TALDO1: variants seen among roughly 807,000 people sequenced by gnomAD.
TALDO1 encodes the protein transaldolase.
A neutral mutation model predicts 38.1 loss-of-function variants in TALDO1; 29 were observed. That is an observed-to-expected ratio of 0.76 (90% confidence interval 0.57 to 1.04). TALDO1 has a LOEUF of 1.04. Ranked by LOEUF, TALDO1 falls within the 50% of genes least tolerant of loss-of-function variation. The pLI is 0.00. For synonymous variants in TALDO1, 207 were observed against 176.8 expected (o/e 1.17, Z -1.36); for missense variants, 499 against 438.1 (o/e 1.14, Z -1.24).
At chr11:762,950 G>A (rs914929184) in intron 4 of TALDO1, among the ~76,000 whole-genome samples, 13 of 152,180 alleles carry the variant, frequency 8.5e-5, no homozygotes, top group Admixed American at 3.9e-4. Flanking sequence ...TCTGGGATGA[G>A]GTGACGGCCT....
At chr11:750,487 CAA>C (rs758019370) in intron 1 of TALDO1, among the ~76,000 whole-genome samples, 8 of 133,060 alleles carry the variant, frequency 6.0e-5, no homozygotes, top group East Asian at 2.1e-4. Flanking sequence ...GACCCTGTCT[CAA>C]AAAAAAAAAA....
At chr11:750,600 C>T (rs559265131) in intron 1 of TALDO1, among the ~76,000 whole-genome samples, 5 of 151,880 alleles carry the variant, frequency 3.3e-5, no homozygotes, top group African/African-American at 9.7e-5. Context: ...CGAGGCAGGC[C>T]GATCATGAGG....
intron 2 of TALDO1, among the ~76,000 whole-genome samples, chr11:758,314 G>A (rs1401794477): frequency 6.6e-6 from 1 of 151,932 alleles, no homozygotes; most frequent in Non-Finnish European, 1.5e-5. Flanking sequence ...AGGTATAGAG[G>A]TGTGCAGCTG....
intron 2 of TALDO1, 96 bp from the exon 3 acceptor site, chr11:758,854 C>T (rs1862885883): frequency 1.4e-5 from 12 of 881,232 alleles, no homozygotes; most frequent in Non-Finnish European, 2.0e-5. Flanking sequence ...ATCCGCCCAC[C>T]TCGGCCTCCC....
At chr11:758,009 C>T (rs1298845583) in intron 2 of TALDO1, among the ~76,000 whole-genome samples, 1 of 152,144 alleles carries the variant, frequency 6.6e-6, no homozygotes, top group Non-Finnish European at 1.5e-5. Flanking sequence ...ATGGGCCAGG[C>T]GTGGTGGCTC....
intron 1 of TALDO1, among the ~76,000 whole-genome samples, chr11:755,272 G>A (rs765175923): frequency 6.6e-6 from 1 of 150,520 alleles, no homozygotes; most frequent in Admixed American, 6.7e-5. Flanking sequence ...AGCCTCCCGA[G>A]TAGCTGGGAC....
intron 1 of TALDO1, among the ~76,000 whole-genome samples, chr11:751,727 G>A (rs755974808): frequency 6.6e-6 from 1 of 152,082 alleles, no homozygotes; most frequent in Non-Finnish European, 1.5e-5. Context: ...CCTGGAAGAC[G>A]GAGGTTGCAG....
chr11:761,149 G>C (rs548379679), intron 4 of TALDO1, among the ~76,000 whole-genome samples: 1 of 152,116 alleles, frequency 6.6e-6, no homozygotes, highest in African/African-American at 2.4e-5. Context: ...GGCTGGCCAA[G>C]ATAGTGGAAC....
intron 7 of TALDO1, 147 bp downstream of exon 7, chr11:764,580 C>A: frequency 7.1e-7 from 1 of 1,411,968 alleles, no homozygotes; most frequent in Non-Finnish European, 9.8e-7. Context: ...CCTGTTGAGG[C>A]CATCCCAGGG....
chr11:751,001 C>T (rs1011941884), intron 1 of TALDO1, among the ~76,000 whole-genome samples: 1 of 152,118 alleles, frequency 6.6e-6, no homozygotes, highest in Non-Finnish European at 1.5e-5. Flanking sequence ...TGAGAAATAA[C>T]TAATGTGTTA....
At chr11:760,040 G>A (rs1355776484) in intron 3 of TALDO1, 82 bp from the exon 4 acceptor site, 1 of 1,597,696 alleles carries the variant, frequency 6.3e-7, no homozygotes, top group African/African-American at 1.3e-5. Flanking sequence ...AAAACTGACA[G>A]GCAGACACCC....
chr11:748,792 C>A (rs890189879), intron 1 of TALDO1, among the ~76,000 whole-genome samples: 1 of 152,222 alleles, frequency 6.6e-6, no homozygotes, highest in Non-Finnish European at 1.5e-5. Context: ...CTGTGAATCC[C>A]TCACACACAC....
chr11:752,523 GATA>G (rs2133570322), intron 1 of TALDO1: 1 of 152,298 alleles, frequency 6.6e-6, no homozygotes, highest in East Asian at 1.9e-4. Context: ...CTCATTAGAT[GATA>G]ATATTTCAAC....
rs71454010 is a variant in TALDO1, at chr11:763,313, T to A, written c.462-31T>A. On this transcript the variant is annotated intron_variant, in intron 4 of 7. Transcript: ENST00000319006. ...GCCCTCACCTGTCCCCGCCCTCACC[T>A]GCCCCGCCCTCACCTGTCCCCGCCC... is the stretch of plus-strand genomic sequence containing the variant. 8.7e-5 allele frequency: 37 copies of A among 426,236 alleles called. 12 individuals are homozygous for A. Among genetic ancestry groups the A allele is most frequent in the Middle Eastern group, 7.2e-4 (1 of 1,396 alleles). 26.4% of individuals were successfully genotyped at this position (426,236 alleles called of 1,614,324 possible).
chr11:748,539 G>C (rs1276807930), intron 1 of TALDO1, among the ~76,000 whole-genome samples: 1 of 152,232 alleles, frequency 6.6e-6, no homozygotes, highest in African/African-American at 2.4e-5. Context: ...AACGCTTCAT[G>C]GATGAATGCT....
chr11:762,726 C>T (rs749969187), intron 4 of TALDO1, among the ~76,000 whole-genome samples: 2 of 152,272 alleles, frequency 1.3e-5, no homozygotes, highest in Non-Finnish European at 2.9e-5. Flanking sequence ...GGGCACTGCT[C>T]CGTCCTTGGG....
At chr11:756,140 T>G in intron 2 of TALDO1, 138 bp downstream of exon 2, 11 of 1,316,714 alleles carry the variant, frequency 8.4e-6, no homozygotes, top group Non-Finnish European at 1.1e-5. Flanking sequence ...TTTTGCCTAT[T>G]TTTGTTTATT....
At position 763,281 on chromosome 11, in the gene TALDO1, CGCCCCCGCCCTCACCT is replaced by C. The variant is rs1236171406; in HGVS notation, c.462-61_462-46del. 25 of 307,332 alleles carry C rather than the reference CGCCCCCGCCCTCACCT, an allele frequency of 8.1e-5. 1 individual carries two copies. The highest frequency in any genetic ancestry group is 4.8e-4 in the African/African-American group (16 of 33,092). The allele number at this position is 307,332 out of a possible 1,614,324, so 19.0% of individuals were successfully genotyped here. On this transcript the variant is annotated intron_variant, in intron 4 of 7. Coordinates refer to ENST00000319006, the MANE Select transcript of TALDO1 (RefSeq NM_006755.2). Reference sequence around the variant, plus strand: ...CGCCCTCACCGTCCCCGCCCTCACCCGCCCCCGCCCTCACCTGTCCCCGCCCTCACCTGCCCCGCCC... The same window carrying C: ...CGCCCTCACCGTCCCCGCCCTCACCCGTCCCCGCCCTCACCTGCCCCGCCC...
intron 3 of TALDO1, among the ~76,000 whole-genome samples, 154 bp from the exon 4 acceptor site, chr11:759,968 C>A (rs888964260): frequency 6.6e-6 from 1 of 152,136 alleles, no homozygotes; most frequent in Non-Finnish European, 1.5e-5. Context: ...CAGAGCCATT[C>A]TGCAAACCTC....
Sources: allele counts gnomAD v4.1 joint callset (sites outside exome capture counted in the v4.1 genomes callset), GRCh38; gene constraint gnomAD v4.1.1; transcripts MANE v1.5; gene names NCBI Gene and HGNC (gene_info 2026-07-23, HGNC 2026-07-21).